The following DST variants were observed in gnomAD, a reference collection of about 807,000 sequenced individuals.
The protein encoded by DST is dystonin, also known as bullous pemphigoid antigen.
In DST, 253 loss-of-function variants were observed where a neutral mutation model predicts 875.2. That is an observed-to-expected ratio of 0.29 (90% CI 0.26 to 0.32). The LOEUF is 0.32. Among genes scored for constraint, DST ranks in the 10% least tolerant of loss-of-function variants. The pLI, the probability that DST is intolerant of heterozygous loss-of-function variation, is 1.00. For synonymous variants in DST, 3,124 were observed against 3,197.1 expected, an observed-to-expected ratio of 0.98 and a Z score of 0.77; for missense variants, 8,287 against 9,111.6, an observed-to-expected ratio of 0.91 and a Z score of 3.68.
intron 9 of DST, among the ~76,000 whole-genome samples, chr6:56,676,256 C>T (rs779904318): frequency 9.9e-5 from 15 of 152,080 alleles, no homozygotes; most frequent in Non-Finnish European, 2.1e-4. Context: ...TTAGTAAAGA[C>T]GGGGTTTTGC....
At chr6:56,658,054 C>T (rs2099019287) in intron 10 of DST, among the ~76,000 whole-genome samples, 1 of 151,898 alleles carries the variant, frequency 6.6e-6, no homozygotes, top group Admixed American at 6.6e-5. Flanking sequence ...GCATGAGACA[C>T]TGCGCCTGGC....
chr6:56,553,692 C>G, intron 60 of DST, 37 bp from the exon 61 acceptor site: 1 of 1,557,584 alleles, frequency 6.4e-7, no homozygotes, highest in Non-Finnish European at 8.7e-7. Flanking sequence ...TATTTTACAT[C>G]AAAATGTTAA....
intron 85 of DST, 141 bp from the exon 86 acceptor site, chr6:56,489,750 G>T (rs1396201447): frequency 2.5e-6 from 2 of 808,784 alleles, no homozygotes; most frequent in East Asian, 2.9e-5. Flanking sequence ...GAAGAAAAAA[G>T]TAATGCTTTC....
chr6:56,576,294 T>C (rs534690308), intron 50 of DST, among the ~76,000 whole-genome samples: 2 of 152,206 alleles, frequency 1.3e-5, no homozygotes, highest in South Asian at 2.1e-4. Flanking sequence ...AGTAAGTGGG[T>C]AAATGTAAGT....
intron 4 of DST, among the ~76,000 whole-genome samples, chr6:56,825,874 T>C (rs950466474): frequency 2.0e-5 from 3 of 152,232 alleles, no homozygotes; most frequent in African/African-American, 7.2e-5. Context: ...AATTGTCCTG[T>C]GACAAACCAT....
intron 2 of DST, among the ~76,000 whole-genome samples, chr6:56,914,550 C>T (rs1187655733): frequency 1.3e-5 from 2 of 152,146 alleles, no homozygotes; most frequent in African/African-American, 4.8e-5. Context: ...ATAATTCCTC[C>T]GTGGCCCAAT....
chr6:56,574,656 AC>A (rs1451773182), intron 50 of DST, among the ~76,000 whole-genome samples: 5 of 151,944 alleles, frequency 3.3e-5, no homozygotes, highest in Non-Finnish European at 7.4e-5. Context: ...AAAAAAAAAA[AC>A]CCTTTCTCGT....
chr6:56,794,361 G>A (rs62411375), intron 4 of DST, among the ~76,000 whole-genome samples: 25,294 of 152,000 alleles, frequency 0.17, 2,346 homozygotes, highest in Non-Finnish European at 0.19. Context: ...AACACATTAC[G>A]TTGACAGTAA....
rs945733554 is a variant in DST, at chr6:56,670,936, G to A, written c.1048-129C>T. ...ATAACAATTCCCGCTTCATGAGATT[G>A]TTAAGAGATTTGAATGAGATAACAT... On this transcript the variant is annotated intron_variant, in intron 9 of 103. Transcript: ENST00000680361. 1.7e-4 allele frequency: 93 copies of A among 537,158 alleles called. No homozygotes were observed. The East Asian group carries it at 2.7e-3, about 16-fold the overall frequency. 33.3% of individuals were successfully genotyped at this position (537,158 alleles called of 1,614,324 possible). A position where few individuals can be genotyped will look rare whatever the true frequency, so the allele number is the denominator to read the frequency against.
chr6:56,776,379 G>A (rs549858676), intron 4 of DST, among the ~76,000 whole-genome samples: 1 of 152,256 alleles, frequency 6.6e-6, no homozygotes, highest in Non-Finnish European at 1.5e-5. Context: ...CAAAAAGGAC[G>A]TTAGGGAAGA....
Position 56,476,286 on chromosome 6 carries a change from C to A in DST, c.21727G>T (p.Gly7243Trp). 1 of 1,607,334 alleles carries A rather than the reference C, an allele frequency of 6.2e-7. No homozygotes were observed. The highest frequency in any genetic ancestry group is 2.2e-5 in the East Asian group (1 of 44,744). The part of the protein sequence containing the change: ...HQQRLASALA[G>W]LIAKQELLEA... ...AACAATTCCTGTTTGGCAATAAGCC[C>A]AGCCAGAGCACTTGCTAATCTCTGC... Residue 7243 changes from glycine to tryptophan, a missense_variant, in exon 92 of 104, where the codon GGG becomes TGG. Physicochemically the swap from Gly to Trp is radical, Grantham distance 184. Coordinates refer to ENST00000680361, the MANE Select transcript of DST (RefSeq NM_001374736.1).
chr6:56,630,130 G>A (rs190541947), intron 31 of DST, 115 bp downstream of exon 31: 6 of 805,012 alleles, frequency 7.5e-6, no homozygotes, highest in Admixed American at 2.0e-5. Context: ...GACACAAATG[G>A]AATAAATCCA....
chr6:56,617,921 G>T, intron 36 of DST: 1 of 1,419,852 alleles, frequency 7.0e-7, no homozygotes, highest in Non-Finnish European at 1.0e-6. Flanking sequence ...GTCTAGGAGA[G>T]AAAGGAAACA....
At chr6:56,786,085 T>TAA (rs2099704829) in intron 4 of DST, among the ~76,000 whole-genome samples, 1 of 152,218 alleles carries the variant, frequency 6.6e-6, no homozygotes, top group Non-Finnish European at 1.5e-5. Context: ...CATTAATGAA[T>TAA]AAAACTGTGT....
intron 4 of DST, among the ~76,000 whole-genome samples, chr6:56,753,662 T>G (rs576368549): frequency 6.6e-6 from 1 of 152,348 alleles, no homozygotes; most frequent in East Asian, 1.9e-4. Context: ...ATCAGAGGCA[T>G]CCTTCTGGCT....
chr6:56,627,903 T>C, intron 33 of DST, 96 bp downstream of exon 33: 1 of 1,170,554 alleles, frequency 8.5e-7, no homozygotes, highest in Non-Finnish European at 1.3e-6. Context: ...CTCTAAAGAG[T>C]TGGTGACTTT....
chr6:56,611,453 G>T, intron 38 of DST, 55 bp downstream of exon 38: 9 of 1,273,558 alleles, frequency 7.1e-6, no homozygotes, highest in Non-Finnish European at 1.0e-5. Flanking sequence ...TTTGCTGAAA[G>T]CTTTTAAGAA....
chr6:56,508,742 C>A lies in DST; in HGVS notation c.19026G>T (p.Lys6342Asn). 1 of 1,612,714 alleles carries A rather than the reference C, an allele frequency of 6.2e-7. No homozygotes were observed. The highest frequency in any genetic ancestry group is 8.5e-7 in the Non-Finnish European group (1 of 1,179,080). The change falls in exon 75 of 104, where the codon AAG becomes AAT. Residue 6342 changes from lysine to asparagine, a missense_variant. By Grantham distance (94) the Lys-to-Asn change is moderately conservative (BLOSUM62 0). This residue lies in a region of DST where 1,292 missense variants were observed against 1,552.7 expected (regional missense o/e 0.83). Transcript: ENST00000680361. ...CCCAAATGAAAACCATTTGGTCAAG[C>A]TTATCCTGAACAGCTATGAAGCAAA... ...KDISAKAVQD[K>N]LDQMVFIWEN...
chr6:56,602,112 T>G (rs192210491), intron 43 of DST: 1 of 299,136 alleles, frequency 3.3e-6, no homozygotes, highest in Admixed American at 4.8e-5. Flanking sequence ...ATGCCAGAAT[T>G]TCAGTTTTCT....
Sources: allele counts gnomAD v4.1 joint callset (sites outside exome capture counted in the v4.1 genomes callset), GRCh38; gene constraint gnomAD v4.1.1; regional missense constraint gnomAD v4.1.1; transcripts MANE v1.5; gene names NCBI Gene and HGNC (gene_info 2026-07-23, HGNC 2026-07-21).